The following ZNF141 variants were observed in gnomAD, a reference collection of about 807,000 sequenced individuals.
ZNF141 encodes zinc finger protein 141.
Under a neutral mutation model 11.3 loss-of-function variants are expected in ZNF141, and 7 were observed. That is an observed-to-expected ratio of 0.62 (90% CI 0.35 to 1.16). The LOEUF (loss-of-function observed/expected upper bound fraction) is 1.16, where lower values mean the gene tolerates loss of function less well. Ranked by LOEUF, ZNF141 falls within the 50% of genes most tolerant of loss-of-function variation. ZNF141 has a pLI of 0.02. For missense variants in ZNF141, 535 were observed against 554.0 expected, an observed-to-expected ratio of 0.97 and a Z score of 0.34; for synonymous variants, 183 against 190.7, an observed-to-expected ratio of 0.96 and a Z score of 0.33.
At position 378,887 on chromosome 4, in the gene ZNF141, C is replaced by T. The variant is rs1553855056; in HGVS notation, c.*5025C>T. 7.3e-6 allele frequency among the ~76,000 whole-genome samples: 1 copy of T among 136,766 alleles called. No individual in the cohort carries two copies. Among genetic ancestry groups the T allele is most frequent in the Non-Finnish European group, 1.5e-5 (1 of 65,922 alleles). The allele number at this position is 136,766 out of a possible 152,430, so 89.7% of individuals were successfully genotyped here. A position where few individuals can be genotyped will look rare whatever the true frequency, so the allele number is the denominator to read the frequency against. On this transcript the variant is annotated 3_prime_UTR_variant, in exon 4 of 4. Transcript: ENST00000240499. ...TGAGATGGAGTCTTGCTCTGTCACC[C>T]AGGCTGGAGTGCAGTGGCACAATCT...
rs1553855919 is a variant in ZNF141, at chr4:383,194, G to T, written c.*9332G>T. The T allele has an allele frequency of 1.4e-6, 1 of 699,266 alleles. No homozygotes were observed. The highest frequency in any genetic ancestry group is 1.8e-5 in the African/African-American group (1 of 56,994). 43.3% of individuals were successfully genotyped at this position (699,266 alleles called of 1,614,324 possible). A position where few individuals can be genotyped will look rare whatever the true frequency, so the allele number is the denominator to read the frequency against. On this transcript the variant is annotated 3_prime_UTR_variant, in exon 4 of 4. Transcript: ENST00000240499. Reference sequence around the variant, plus strand: ...TCAGTTTACAGACAGCTCACTCACAGAAGCAGAGCCACCTAATTCACCAGC... The same window carrying T: ...TCAGTTTACAGACAGCTCACTCACATAAGCAGAGCCACCTAATTCACCAGC...
At position 373,961 on chromosome 4, in the gene ZNF141, T is replaced by C; in HGVS notation, c.*99T>C. ...TTATACTGTAGAGAAACCCTGGAAATGTGAAGAACGTGGCAAAGTTCTTTA... is the reference window on the plus strand; with the variant it reads ...TTATACTGTAGAGAAACCCTGGAAACGTGAAGAACGTGGCAAAGTTCTTTA... On this transcript the variant is annotated 3_prime_UTR_variant, in exon 4 of 4. Transcript: ENST00000240499. The C allele has an allele frequency of 8.9e-7, 1 of 1,124,984 alleles. No individual in the cohort carries two copies. Among genetic ancestry groups the C allele is most frequent in the East Asian group, 2.4e-5 (1 of 42,424 alleles). 69.7% of individuals were successfully genotyped at this position (1,124,984 alleles called of 1,614,324 possible).
chr4:355,689 C>T (rs1235247020), intron 3 of ZNF141, among the ~76,000 whole-genome samples: 1 of 152,174 alleles, frequency 6.6e-6, no homozygotes, highest in Non-Finnish European at 1.5e-5. Context: ...TCGATTCAGA[C>T]ATTCTGTGAA....
chr4:338,266 G>T, intron 1 of ZNF141: 1 of 412,502 alleles, frequency 2.4e-6, no homozygotes, highest in Non-Finnish European at 4.5e-6. Context: ...CGCGCGGCGT[G>T]CGCGATGCCG....
In ZNF141 at chr4:344,788, G is replaced by A. The variant is rs1198059925; in HGVS notation, c.226+358G>A. On this transcript the variant is annotated intron_variant, in intron 3 of 3. Coordinates refer to ENST00000240499, the MANE Select transcript of ZNF141 (RefSeq NM_003441.4). ...CAGCCTGGTGACAGAGTTAGACTCC[G>A]TCTCAAAAAATAAAATAAAATAAAA... Among the ~76,000 whole-genome samples the A allele has an allele frequency of 3.9e-5, 6 of 152,082 alleles. No homozygotes were observed. In the South Asian group the frequency reaches 6.2e-4, roughly 16 times the overall value.
intron 3 of ZNF141, among the ~76,000 whole-genome samples, chr4:371,976 G>A (rs1281193717): frequency 2.0e-5 from 3 of 152,216 alleles, no homozygotes; most frequent in Non-Finnish European, 2.9e-5. Context: ...TCCTGACATA[G>A]TCTGAAACCA....
Position 367,828 on chromosome 4 carries a change from T to G in ZNF141, c.227-4836T>G, listed in dbSNP as rs187580336. 2.9e-3 allele frequency among the ~76,000 whole-genome samples: 435 copies of G among 152,248 alleles called. 2 individuals carry two copies. Among genetic ancestry groups the G allele is most frequent in the African/African-American group, 9.9e-3 (411 of 41,528 alleles). On this transcript the variant is annotated intron_variant, in intron 3 of 3. Coordinates refer to ENST00000240499, the MANE Select transcript of ZNF141 (RefSeq NM_003441.4). The stretch of plus-strand genomic sequence containing the variant: ...CAAAACTTTACAATCTTAAATACTG[T>G]TTTTTTCCAAAGTTTGTTGTCATAA...
intron 3 of ZNF141, among the ~76,000 whole-genome samples, chr4:363,545 A>G (rs1711583573): frequency 6.6e-6 from 1 of 152,122 alleles, no homozygotes; most frequent in Non-Finnish European, 1.5e-5. Flanking sequence ...TCATGAGGTC[A>G]GGAGATGGAG....
chr4:355,105 C>G (rs1274442382), intron 3 of ZNF141, among the ~76,000 whole-genome samples: 2 of 151,066 alleles, frequency 1.3e-5, no homozygotes, highest in Non-Finnish European at 3.0e-5. Context: ...TATTTTTAAT[C>G]GTTATATTCT....
Position 337,820 on chromosome 4 carries a change from G to C in ZNF141, c.-164G>C. ...CTTCCGGGATGTGGCGCGGGTCTTTGCGTCTGGCTACTACCAGACCGCGGG... is the reference window on the plus strand; with the variant it reads ...CTTCCGGGATGTGGCGCGGGTCTTTCCGTCTGGCTACTACCAGACCGCGGG... On this transcript the variant is annotated 5_prime_UTR_variant, in exon 1 of 4. Coordinates refer to ENST00000240499, the MANE Select transcript of ZNF141 (RefSeq NM_003441.4). The C allele has an allele frequency of 1.2e-6, 1 of 845,270 alleles. No individual in the cohort carries two copies. The allele number at this position is 845,270 out of a possible 1,614,324, so 52.4% of individuals were successfully genotyped here.
At chr4:365,668 T>TA (rs1269128783) in intron 3 of ZNF141, among the ~76,000 whole-genome samples, 32 of 152,372 alleles carry the variant, frequency 2.1e-4, no homozygotes, top group Middle Eastern at 3.4e-3. Context: ...TGCATAATGT[T>TA]ACTTCTTTTG....
At chr4:354,501 C>A (rs1721757811) in intron 3 of ZNF141, among the ~76,000 whole-genome samples, 1 of 152,040 alleles carries the variant, frequency 6.6e-6, no homozygotes, top group African/African-American at 2.4e-5. Context: ...ATTTAGAAAA[C>A]TTTTATATGT....
intron 1 of ZNF141, 186 bp downstream of exon 1, chr4:338,172 C>A: frequency 1.5e-6 from 1 of 655,778 alleles, no homozygotes; most frequent in Non-Finnish European, 2.5e-6. Flanking sequence ...GCCCAGCCTG[C>A]AGCCCTCCTT....
chr4:364,277 T>A (rs992504667), intron 3 of ZNF141, among the ~76,000 whole-genome samples: 5 of 152,330 alleles, frequency 3.3e-5, no homozygotes, highest in Middle Eastern at 6.8e-3. Flanking sequence ...TACCAGCTCT[T>A]CTTTGTACCT....
intron 3 of ZNF141, among the ~76,000 whole-genome samples, chr4:364,972 G>A (rs1338621418): frequency 2.0e-5 from 3 of 152,252 alleles, no homozygotes; most frequent in African/African-American, 7.2e-5. Flanking sequence ...TTGTTGAGAT[G>A]CAGTGGGCTT....
rs925725128 is a variant in ZNF141, at chr4:381,632, A to G, written c.*7770A>G. 1.1e-4 allele frequency among the ~76,000 whole-genome samples: 17 copies of G among 150,270 alleles called. No homozygotes were observed. Among genetic ancestry groups the G allele is most frequent in the African/African-American group, 4.2e-4 (17 of 40,852 alleles). On this transcript the variant is annotated 3_prime_UTR_variant, in exon 4 of 4. Coordinates refer to ENST00000240499, the MANE Select transcript of ZNF141 (RefSeq NM_003441.4). ...ACCATGTTGGCCAGGCTGGTCTCAA[A>G]CTCCTGACCTTAAGTGATCCACCCA... is the stretch of plus-strand genomic sequence containing the variant.
chr4:338,992 G>C (rs116470367), intron 1 of ZNF141, among the ~76,000 whole-genome samples: 2,194 of 152,320 alleles, frequency 0.014, 55 homozygotes, highest in African/African-American at 0.048. Context: ...GGGAGAGAGG[G>C]CGCTGAGAAC....
chr4:366,764 T>C, intron 3 of ZNF141, among the ~76,000 whole-genome samples: 1 of 152,212 alleles, frequency 6.6e-6, no homozygotes, highest in East Asian at 1.9e-4. Context: ...AACCTCTGCC[T>C]CCTAGGTTCA....
In ZNF141 at chr4:383,294, A is replaced by C; in HGVS notation, c.*9432A>C. The C allele has an allele frequency of 1.6e-6, 1 of 619,100 alleles. No individual in the cohort carries two copies. The highest frequency in any genetic ancestry group is 2.9e-6 in the Non-Finnish European group (1 of 349,958). 38.4% of individuals were successfully genotyped at this position (619,100 alleles called of 1,614,324 possible). On this transcript the variant is annotated 3_prime_UTR_variant, in exon 4 of 4. Coordinates refer to ENST00000240499, the MANE Select transcript of ZNF141 (RefSeq NM_003441.4). ...CCGGCTGAGCCCAGCCTAAATTTCT[A>C]ACCAGCTCAATCCTGAGCTAGTATG...
Sources: allele counts gnomAD v4.1 joint callset (sites outside exome capture counted in the v4.1 genomes callset), GRCh38; gene constraint gnomAD v4.1.1; transcripts MANE v1.5; gene names NCBI Gene and HGNC (gene_info 2026-07-23, HGNC 2026-07-21).